Variants in RABGAP1L observed in about 807,000 individuals in gnomAD.
RABGAP1L encodes the protein rab GTPase-activating protein 1-like.
RABGAP1L carries 63 observed loss-of-function variants against 137.7 expected under a neutral mutation model. The ratio of observed to expected loss-of-function variants is 0.46; its 90% CI spans 0.37 to 0.56. The LOEUF is 0.56. Ranked by LOEUF, RABGAP1L falls within the 20% of genes least tolerant of loss-of-function variation. The pLI is 0.00. For synonymous variants in RABGAP1L, 431 were observed against 433.7 expected, an observed-to-expected ratio of 0.99 and a Z score of 0.08; for missense variants, 1,095 against 1,244.0, an observed-to-expected ratio of 0.88 and a Z score of 1.80.
At chr1:174,440,447 G>A (rs570834368) in intron 13 of RABGAP1L, among the ~76,000 whole-genome samples, 1 of 152,350 alleles carries the variant, frequency 6.6e-6, no homozygotes, top group South Asian at 2.1e-4. Context: ...TGATAGTGAA[G>A]ATGGAGAAAA....
intron 7 of RABGAP1L, among the ~76,000 whole-genome samples, chr1:174,262,824 A>G (rs1266357003): frequency 2.6e-5 from 4 of 152,242 alleles, no homozygotes; most frequent in Admixed American, 6.5e-5. Flanking sequence ...GGAGCTTTAA[A>G]CATTTCTTCT....
chr1:174,786,324 T>C (rs893550237), intron 18 of RABGAP1L, among the ~76,000 whole-genome samples: 3 of 152,250 alleles, frequency 2.0e-5, no homozygotes, highest in Admixed American at 2.0e-4. Flanking sequence ...GATTGGATTT[T>C]ATAACACTTT....
intron 7 of RABGAP1L, among the ~76,000 whole-genome samples, chr1:174,267,578 G>T (rs1674178245): frequency 6.6e-6 from 1 of 152,126 alleles, no homozygotes; most frequent in African/African-American, 2.4e-5. Context: ...AACATGCAAA[G>T]GATAAAGTTT....
Position 174,394,219 on chromosome 1 carries a change from T to A in RABGAP1L, c.1710+74T>A, listed in dbSNP as rs922907205. 9.8e-5 allele frequency: 150 copies of A among 1,530,100 alleles called. No homozygotes were observed. The African/African-American group carries it at 1.7e-3, about 18-fold the overall frequency. The allele number at this position is 1,530,100 out of a possible 1,614,324, so 94.8% of individuals were successfully genotyped here. A position where few individuals can be genotyped will look rare whatever the true frequency, so the allele number is the denominator to read the frequency against. On this transcript the variant is annotated intron_variant, in intron 13 of 25. Transcript: ENST00000681986. ...TAAATCCTAGTTTTCATAGCTCCCA[T>A]AAGTCATAAATGCTTTGAACTTCTT...
chr1:174,865,678 G>A (rs1379805766), intron 19 of RABGAP1L, among the ~76,000 whole-genome samples: 3 of 152,148 alleles, frequency 2.0e-5, no homozygotes, highest in Non-Finnish European at 4.4e-5. Flanking sequence ...ACTTGTGCCT[G>A]TGGTCCCACC....
intron 14 of RABGAP1L, among the ~76,000 whole-genome samples, chr1:174,649,499 C>A (rs1000110878): frequency 2.0e-5 from 3 of 152,044 alleles, no homozygotes; most frequent in Admixed American, 1.3e-4. Context: ...GTTGAAAATT[C>A]TTTTCTTTAA....
intron 13 of RABGAP1L, chr1:174,547,906 G>T: frequency 2.6e-6 from 4 of 1,549,542 alleles, no homozygotes; most frequent in Non-Finnish European, 3.5e-6. Flanking sequence ...GTCTATGAAG[G>T]TCTCCATGAC....
rs369626867 is a variant in RABGAP1L at position 174,924,737 on chromosome 1, T to C, written c.2341-32720T>C. Among the ~76,000 whole-genome samples the C allele has an allele frequency of 1.2e-4, 19 of 152,284 alleles. No homozygotes were observed. The East Asian group carries it at 2.5e-3, about 20-fold the overall frequency. ...TGGTGGCAACTTATGATGACCTTCC[T>C]TAAGCCTGGAACATGTTAACTCTCG... On this transcript the variant is annotated intron_variant, in intron 19 of 25. Transcript: ENST00000681986.
At chr1:174,843,607 T>C (rs1693708083) in intron 19 of RABGAP1L, among the ~76,000 whole-genome samples, 1 of 105,968 alleles carries the variant, frequency 9.4e-6, no homozygotes, top group South Asian at 3.9e-4. Flanking sequence ...TGTGCCACAT[T>C]TTCTTAATCC....
At chr1:174,652,081 T>C (rs1024272780) in intron 14 of RABGAP1L, among the ~76,000 whole-genome samples, 1 of 152,220 alleles carries the variant, frequency 6.6e-6, no homozygotes, top group African/African-American at 2.4e-5. Context: ...ATTTTATTTC[T>C]CCTTCACGTA....
At chr1:174,313,814 T>A (rs188400130) in intron 11 of RABGAP1L, among the ~76,000 whole-genome samples, 1 of 152,332 alleles carries the variant, frequency 6.6e-6, no homozygotes. Context: ...TGTATCACAT[T>A]GATAGATTTG....
intron 18 of RABGAP1L, among the ~76,000 whole-genome samples, chr1:174,759,373 T>A (rs1222262024): frequency 6.6e-6 from 1 of 150,376 alleles, no homozygotes; most frequent in African/African-American, 2.4e-5. Flanking sequence ...GGTGGGCGGA[T>A]CACTGGAGGT....
intron 19 of RABGAP1L, chr1:174,897,067 C>T (rs567844280): frequency 6.6e-5 from 10 of 152,106 alleles, no homozygotes; most frequent in East Asian, 1.9e-4. Flanking sequence ...TCTTCCTATC[C>T]ATGAGCATGG....
intron 19 of RABGAP1L, among the ~76,000 whole-genome samples, chr1:174,935,779 C>G (rs1664669987): frequency 6.6e-6 from 1 of 151,858 alleles, no homozygotes; most frequent in South Asian, 2.1e-4. Context: ...ATCAGGAGTT[C>G]GAGATCAGCC....
chr1:174,740,134 G>T (rs1195462658), intron 17 of RABGAP1L, among the ~76,000 whole-genome samples: 1 of 152,170 alleles, frequency 6.6e-6, no homozygotes, highest in African/African-American at 2.4e-5. Flanking sequence ...TTTTAAAATT[G>T]TGAGTTCCTA....
intron 7 of RABGAP1L, among the ~76,000 whole-genome samples, chr1:174,261,645 T>A (rs1319283705): frequency 5.3e-5 from 8 of 152,188 alleles, no homozygotes; most frequent in African/African-American, 1.9e-4. Context: ...ACAGTAGAAT[T>A]TGAATTGTTT....
At chr1:174,760,436 T>C (rs1351527476) in intron 18 of RABGAP1L, among the ~76,000 whole-genome samples, 1 of 152,196 alleles carries the variant, frequency 6.6e-6, no homozygotes, top group East Asian at 1.9e-4. Flanking sequence ...TATTTGGTTT[T>C]CTGTTCTGTG....
chr1:174,661,327 TC>T lies in RABGAP1L; in HGVS notation c.1825-22194del, dbSNP rs371166059. Among the ~76,000 whole-genome samples, 7 of 152,280 alleles carry T rather than the reference TC, an allele frequency of 4.6e-5. No individual in the cohort carries two copies. The East Asian group carries it at 1.3e-3, about 29-fold the overall frequency. The stretch of plus-strand genomic sequence containing the variant: ...CTAGTAAAGAACTTTTAGAAAATGA[TC>T]TGTTCATCACTGTGGACTACTTGTA... On this transcript the variant is annotated intron_variant, in intron 14 of 25. Transcript: ENST00000681986.
intron 20 of RABGAP1L, 76 bp downstream of exon 20, chr1:174,957,625 C>T (rs1668675230): frequency 7.4e-7 from 1 of 1,342,726 alleles, no homozygotes; most frequent in Admixed American, 1.9e-5. Context: ...CCGTGTTGCC[C>T]AGGCTGGTCT....
Sources: allele counts gnomAD v4.1 joint callset (sites outside exome capture counted in the v4.1 genomes callset), GRCh38; gene constraint gnomAD v4.1.1; transcripts MANE v1.5; gene names NCBI Gene and HGNC (gene_info 2026-07-23, HGNC 2026-07-21).